Variants in TNFAIP8L3 observed in about 807,000 individuals in gnomAD.
The protein encoded by TNFAIP8L3 is TNF alpha induced protein 8 like 3, also known as tumor necrosis factor alpha-induced protein 8-like protein 3.
In TNFAIP8L3, 7 loss-of-function variants were observed where a neutral mutation model predicts 11.8. The observed-to-expected ratio is 0.59, with a 90% confidence interval of 0.34 to 1.11. The LOEUF is 1.11. Among genes scored for constraint, TNFAIP8L3 ranks in the 50% most tolerant of loss-of-function variants. The pLI, the probability that TNFAIP8L3 is intolerant of heterozygous loss-of-function variation, is 0.03. For missense variants in TNFAIP8L3, 219 were observed against 258.6 expected, an observed-to-expected ratio of 0.85 and a Z score of 1.05; for synonymous variants, 98 against 103.8, an observed-to-expected ratio of 0.94 and a Z score of 0.34.
At chr15:51,100,940 G>A (rs1362500381) in intron 1 of TNFAIP8L3, among the ~76,000 whole-genome samples, 1 of 152,178 alleles carries the variant, frequency 6.6e-6, no homozygotes, top group Admixed American at 6.5e-5. Context: ...TGGAAAAGGG[G>A]CTGACCCCTA....
At chr15:51,060,209 G>T (rs2065233689) in intron 1 of TNFAIP8L3, among the ~76,000 whole-genome samples, 2 of 152,210 alleles carry the variant, frequency 1.3e-5, no homozygotes, top group African/African-American at 4.8e-5. Flanking sequence ...CTAGAGCTTT[G>T]TGTGAATAGC....
intron 1 of TNFAIP8L3, among the ~76,000 whole-genome samples, chr15:51,087,919 T>TGATATATATATATATATATATATATATA (rs1555468325): frequency 9.8e-6 from 1 of 101,564 alleles, no homozygotes; most frequent in Non-Finnish European, 2.0e-5. Flanking sequence ...TAGCATACCT[T>TGATATATATATATATATATATATATATA]TATATATATA....
intron 1 of TNFAIP8L3, among the ~76,000 whole-genome samples, chr15:51,073,257 A>G (rs970015386): frequency 6.6e-6 from 1 of 152,144 alleles, no homozygotes; most frequent in African/African-American, 2.4e-5. Context: ...TGGCCTCCCA[A>G]AGTGCTGGGA....
chr15:51,081,912 C>G (rs989499261), intron 1 of TNFAIP8L3, among the ~76,000 whole-genome samples: 1 of 152,162 alleles, frequency 6.6e-6, no homozygotes. Context: ...TCTCTTATTC[C>G]CTGATCTCTC....
At chr15:51,089,199 A>G (rs1262984317) in intron 1 of TNFAIP8L3, among the ~76,000 whole-genome samples, 3 of 152,178 alleles carry the variant, frequency 2.0e-5, no homozygotes, top group Non-Finnish European at 4.4e-5. Flanking sequence ...GCTTCCTAGC[A>G]AACCAACCCA....
At chr15:51,068,324 T>C (rs1045980515) in intron 1 of TNFAIP8L3, among the ~76,000 whole-genome samples, 1 of 152,086 alleles carries the variant, frequency 6.6e-6, no homozygotes, top group East Asian at 1.9e-4. Flanking sequence ...AATTCATCCC[T>C]GAGTTCCAGG....
intron 1 of TNFAIP8L3, among the ~76,000 whole-genome samples, chr15:51,076,676 T>G (rs916293462): frequency 2.0e-5 from 3 of 152,076 alleles, no homozygotes; most frequent in Non-Finnish European, 4.4e-5. Flanking sequence ...GAGAGCCCAG[T>G]CCTGGTCCTG....
At chr15:51,092,061 G>A (rs1276547367) in intron 1 of TNFAIP8L3, among the ~76,000 whole-genome samples, 1 of 152,170 alleles carries the variant, frequency 6.6e-6, no homozygotes, top group Non-Finnish European at 1.5e-5. Flanking sequence ...TGCCCATGAG[G>A]TGCAGACTGA....
chr15:51,084,027 G>T lies in TNFAIP8L3; in HGVS notation c.52+10517C>A, dbSNP rs115177061. Among the ~76,000 whole-genome samples the T allele has an allele frequency of 2.0e-3, 303 of 152,320 alleles. 2 individuals carry two copies. The highest frequency in any genetic ancestry group is 6.6e-3 in the African/African-American group (276 of 41,576). Reference sequence around the variant, plus strand: ...GCATGTACTCACTGAAGACAAATCTGGAAGACTACAAAGAAGACAATTAAA... The same window carrying T: ...GCATGTACTCACTGAAGACAAATCTTGAAGACTACAAAGAAGACAATTAAA... On this transcript the variant is annotated intron_variant, in intron 1 of 1. Transcript: ENST00000637513.
chr15:51,092,766 A>C lies in TNFAIP8L3; in HGVS notation c.52+1778T>G, dbSNP rs77572276. Among the ~76,000 whole-genome samples the C allele has an allele frequency of 4.9e-3, 744 of 152,272 alleles. 7 individuals are homozygous for C. The highest frequency in any genetic ancestry group is 0.017 in the African/African-American group (720 of 41,550). ...AACACTGGGTCAGGCTGGAGAGAGA[A>C]AACAACAGGGTGCAGCAGAATTCTT... is the stretch of plus-strand genomic sequence containing the variant. On this transcript the variant is annotated intron_variant, in intron 1 of 1. Transcript: ENST00000637513.
chr15:51,083,599 C>T (rs2065406950), intron 1 of TNFAIP8L3, among the ~76,000 whole-genome samples: 1 of 152,198 alleles, frequency 6.6e-6, no homozygotes, highest in African/African-American at 2.4e-5. Flanking sequence ...ACAGGCTCAC[C>T]CACGGGTGCG....
At chr15:51,079,485 C>T (rs1428559414) in intron 1 of TNFAIP8L3, among the ~76,000 whole-genome samples, 6 of 152,136 alleles carry the variant, frequency 3.9e-5, no homozygotes, top group Non-Finnish European at 5.9e-5. Context: ...GAATGCATGG[C>T]TCTCACTCAT....
rs201258884 is a variant in TNFAIP8L3, at chr15:51,076,343, C to CT, written c.53-17901dup. Reference sequence around the variant, plus strand: ...GGACCGCTACTGTGATGGAACCACTCTGAGTCCAGGGGGAATCCCATTCAC... The same window carrying CT: ...GGACCGCTACTGTGATGGAACCACTCTTGAGTCCAGGGGGAATCCCATTCAC... On this transcript the variant is annotated intron_variant, in intron 1 of 1. Transcript: ENST00000637513. 1.0e-3 allele frequency among the ~76,000 whole-genome samples: 154 copies of CT among 152,274 alleles called. 1 individual carries two copies. Among genetic ancestry groups the CT allele is most frequent in the African/African-American group, 3.6e-3 (151 of 41,536 alleles).
At chr15:51,065,017 C>A (rs1202427952) in intron 1 of TNFAIP8L3, among the ~76,000 whole-genome samples, 1 of 152,174 alleles carries the variant, frequency 6.6e-6, no homozygotes, top group Admixed American at 6.5e-5. Flanking sequence ...ATTCTTTTAA[C>A]CATGTTTGAA....
upstream of TNFAIP8L3, among the ~76,000 whole-genome samples, chr15:51,098,490 C>G (rs1365819827): frequency 1.3e-5 from 2 of 152,206 alleles, no homozygotes; most frequent in Non-Finnish European, 2.9e-5. Context: ...TGTAGGTAAG[C>G]TGGAGAGCAG....
rs752070792 is a variant in TNFAIP8L3, at chr15:51,058,124, C to A, written c.372G>T (p.Glu124Asp). 4.3e-6 allele frequency: 7 copies of A among 1,614,104 alleles called. No individual in the cohort carries two copies. The highest frequency in any genetic ancestry group is 1.3e-5 in the African/African-American group (1 of 74,934). Residue 124 changes from glutamate to aspartate, a missense_variant, in exon 2 of 2, where the codon GAG becomes GAT. Transcript: ENST00000637513. ...CGTTCCTATCGAAGGTGTATTCCAC[C>A]TCATAGAAGCTGACAATGGTCATGG... The part of the protein sequence containing the change: ...QTAMTIVSFY[E>D]VEYTFDRNVL...
chr15:51,061,815 TAAC>T (rs1472382620), intron 1 of TNFAIP8L3, among the ~76,000 whole-genome samples: 1 of 152,224 alleles, frequency 6.6e-6, no homozygotes, highest in East Asian at 1.9e-4. Context: ...AAAATTTTGA[TAAC>T]TACTTACTAA....
rs2065215758 is a variant in TNFAIP8L3, at chr15:51,057,820, C to G, written c.*61G>C. On this transcript the variant is annotated 3_prime_UTR_variant, in exon 2 of 2. Coordinates refer to ENST00000637513, the MANE Select transcript of TNFAIP8L3 (RefSeq NM_001311175.2). ...TTTCTGCTTATGTTCTTGATTCTCA[C>G]CCAGATCATGGTTGAGTGCTGTAAC... The G allele has an allele frequency of 7.2e-7, 1 of 1,386,854 alleles. No individual in the cohort carries two copies. Among genetic ancestry groups the G allele is most frequent in the African/African-American group, 1.5e-5 (1 of 68,954 alleles). The allele number at this position is 1,386,854 out of a possible 1,614,324, so 85.9% of individuals were successfully genotyped here. A position where few individuals can be genotyped will look rare whatever the true frequency, so the allele number is the denominator to read the frequency against.
At chr15:51,070,512 C>A (rs1342861409) in intron 1 of TNFAIP8L3, among the ~76,000 whole-genome samples, 1 of 152,160 alleles carries the variant, frequency 6.6e-6, no homozygotes, top group Non-Finnish European at 1.5e-5. Flanking sequence ...GCAATGGATG[C>A]AGCATTTCAC....
Sources: gnomAD v4.1 joint callset for allele counts (sites outside exome capture counted in the v4.1 genomes callset) on GRCh38, gnomAD v4.1.1 for gene constraint, MANE v1.5 for transcripts, NCBI Gene and HGNC (gene_info 2026-07-23, HGNC 2026-07-21) for gene names.